Variants in PIGN observed in about 807,000 individuals in gnomAD.
The protein encoded by PIGN is phosphatidylinositol glycan anchor biosynthesis class N.
In PIGN, 117 loss-of-function variants were observed where a neutral mutation model predicts 125.4. That is an observed-to-expected ratio of 0.93 (90% CI 0.80 to 1.09). PIGN has a LOEUF of 1.09. Ranked by LOEUF, PIGN falls within the 50% of genes least tolerant of loss-of-function variation. The probability of loss-of-function intolerance (pLI) is 0.00; values close to 1 mark genes in which losing one functional copy is unlikely to be tolerated. For synonymous variants in PIGN, 392 were observed against 377.8 expected, an observed-to-expected ratio of 1.04 and a Z score of -0.44; for missense variants, 1,075 against 1,094.9, an observed-to-expected ratio of 0.98 and a Z score of 0.26.
intron 30 of PIGN, among the ~76,000 whole-genome samples, chr18:62,057,462 G>A (rs1236964822): frequency 6.6e-6 from 1 of 151,988 alleles, no homozygotes; most frequent in Admixed American, 6.6e-5. Flanking sequence ...TATTTTCTAA[G>A]TCCAGCCACT....
chr18:62,151,361 A>C (rs1404894422), intron 7 of PIGN, among the ~76,000 whole-genome samples: 1 of 152,300 alleles, frequency 6.6e-6, no homozygotes, highest in East Asian at 1.9e-4. Flanking sequence ...TGCTGCACTA[A>C]AGTGTTAACT....
chr18:62,172,619 TA>T (rs1568257213), intron 1 of PIGN, among the ~76,000 whole-genome samples: 3 of 152,220 alleles, frequency 2.0e-5, no homozygotes, highest in African/African-American at 7.2e-5. Flanking sequence ...ATTGTAAATG[TA>T]AATGCAAATG....
intron 1 of PIGN, among the ~76,000 whole-genome samples, chr18:62,168,419 C>T (rs2037231930): frequency 6.6e-6 from 1 of 151,972 alleles, no homozygotes; most frequent in Middle Eastern, 3.2e-3. Context: ...TCTTTTTTCC[C>T]ACTCTTTCTC....
intron 30 of PIGN, 68 bp from the exon 31 acceptor site, chr18:62,046,047 G>A: frequency 6.6e-7 from 1 of 1,512,672 alleles, no homozygotes. Flanking sequence ...AGATTCCTCT[G>A]AATGGTTTTA....
downstream of PIGN, among the ~76,000 whole-genome samples, chr18:62,036,998 C>T (rs1189306279): frequency 6.6e-6 from 1 of 152,178 alleles, no homozygotes; most frequent in Non-Finnish European, 1.5e-5. Context: ...TGTATCCCCA[C>T]TCTGCTTGAC....
chr18:62,144,104 T>C (rs933160089), intron 10 of PIGN, among the ~76,000 whole-genome samples: 5 of 152,314 alleles, frequency 3.3e-5, no homozygotes, highest in South Asian at 2.1e-4. Context: ...GCCCATTCCT[T>C]TTCTCTAAAA....
At chr18:62,030,065 G>A (rs192822334) in intron 23 of PIGN, among the ~76,000 whole-genome samples, 11 of 152,290 alleles carry the variant, frequency 7.2e-5, no homozygotes, top group East Asian at 1.9e-4. Flanking sequence ...GTCAGCCTCC[G>A]AGGCCCTGGA....
intron 25 of PIGN, among the ~76,000 whole-genome samples, chr18:62,086,269 C>T (rs781414712): frequency 1.3e-5 from 2 of 152,070 alleles, no homozygotes; most frequent in East Asian, 1.9e-4. Flanking sequence ...TAGACTTTAT[C>T]GAAGGATATG....
chr18:62,183,913 A>G (rs2037806300), intron 1 of PIGN, among the ~76,000 whole-genome samples: 2 of 152,138 alleles, frequency 1.3e-5, no homozygotes, highest in South Asian at 4.1e-4. Context: ...TGCAGTTATT[A>G]CAAAATATCA....
At chr18:62,156,461 G>T (rs770854149) in intron 6 of PIGN, among the ~76,000 whole-genome samples, 1 of 152,082 alleles carries the variant, frequency 6.6e-6, no homozygotes, top group Non-Finnish European at 1.5e-5. Context: ...CACCTGAGTA[G>T]TTGGGACTAC....
At chr18:62,181,451 C>A (rs2037712584) in intron 1 of PIGN, among the ~76,000 whole-genome samples, 1 of 152,144 alleles carries the variant, frequency 6.6e-6, no homozygotes. Context: ...GTTAACAGTG[C>A]AAAATCTAAT....
chr18:62,018,176 A>C (rs1479374017), intron 23 of PIGN, among the ~76,000 whole-genome samples: 1 of 152,210 alleles, frequency 6.6e-6, no homozygotes, highest in Non-Finnish European at 1.5e-5. Flanking sequence ...CAGGGAAAGC[A>C]GGGCTGGCTC....
chr18:62,024,460 T>C (rs1320410500), intron 23 of PIGN, among the ~76,000 whole-genome samples: 1 of 152,220 alleles, frequency 6.6e-6, no homozygotes, highest in Non-Finnish European at 1.5e-5. Context: ...CTCTGGGATA[T>C]CTGATATCAT....
At chr18:62,049,420 T>C (rs1316081677) in intron 30 of PIGN, among the ~76,000 whole-genome samples, 1 of 150,686 alleles carries the variant, frequency 6.6e-6, no homozygotes, top group African/African-American at 2.4e-5. Context: ...TGGTATCTCA[T>C]TGTGGTTTTG....
chr18:62,141,120 T>G (rs186876883), intron 11 of PIGN, among the ~76,000 whole-genome samples: 115 of 152,292 alleles, frequency 7.6e-4, no homozygotes, highest in South Asian at 6.0e-3. Flanking sequence ...AACAACCCCA[T>G]TTTCTAAATC....
At chr18:62,024,171 A>G (rs998360794) in intron 23 of PIGN, among the ~76,000 whole-genome samples, 23 of 152,350 alleles carry the variant, frequency 1.5e-4, no homozygotes, top group Non-Finnish European at 1.2e-4. Context: ...TATTTTGGAT[A>G]TACATTGGAT....
At chr18:62,121,390 T>C (rs981636719) in intron 14 of PIGN, among the ~76,000 whole-genome samples, 3 of 152,112 alleles carry the variant, frequency 2.0e-5, no homozygotes, top group African/African-American at 7.2e-5. Context: ...TCCAAGCACT[T>C]TACACATTTT....
At chr18:62,079,791 T>C (rs1179633607) in intron 28 of PIGN, among the ~76,000 whole-genome samples, 1 of 151,382 alleles carries the variant, frequency 6.6e-6, no homozygotes, top group Non-Finnish European at 1.5e-5. Flanking sequence ...AAAAAGTTTC[T>C]GAAAATTAAT....
intron 30 of PIGN, among the ~76,000 whole-genome samples, chr18:62,048,408 C>A (rs892051942): frequency 6.6e-6 from 1 of 152,000 alleles, no homozygotes; most frequent in African/African-American, 2.4e-5. Flanking sequence ...TTACTAAAAA[C>A]TAAAAACAAA....
Sources: gnomAD v4.1 joint callset for allele counts (sites outside exome capture counted in the v4.1 genomes callset) on GRCh38, gnomAD v4.1.1 for gene constraint, MANE v1.5 for transcripts, NCBI Gene and HGNC (gene_info 2026-07-23, HGNC 2026-07-21) for gene names.